The following PHYKPL variants were observed in gnomAD, a reference collection of about 807,000 sequenced individuals.
PHYKPL encodes the protein 5-phosphohydroxy-L-lysine phospho-lyase.
PHYKPL carries 42 observed loss-of-function variants against 51.3 expected under a neutral mutation model. That is an observed-to-expected ratio of 0.82 (90% CI 0.64 to 1.06). The LOEUF (loss-of-function observed/expected upper bound fraction) is 1.06, where lower values mean the gene tolerates loss of function less well. Among genes scored for constraint, PHYKPL ranks in the 50% least tolerant of loss-of-function variants. The probability of loss-of-function intolerance (pLI) is 0.00; values close to 1 mark genes in which losing one functional copy is unlikely to be tolerated. For synonymous variants in PHYKPL, 264 were observed against 236.0 expected, an observed-to-expected ratio of 1.12 and a Z score of -1.09; for missense variants, 655 against 586.6, an observed-to-expected ratio of 1.12 and a Z score of -1.20.
chr5:178,209,274 C>T (rs1757415390), intron 12 of PHYKPL: 1 of 1,349,436 alleles, frequency 7.4e-7, no homozygotes, highest in Non-Finnish European at 1.1e-6. Flanking sequence ...GGTGTTTGGG[C>T]AGTCACTGCC....
chr5:178,214,123 G>A (rs1047921461), intron 10 of PHYKPL, among the ~76,000 whole-genome samples: 6 of 152,118 alleles, frequency 3.9e-5, no homozygotes, highest in Admixed American at 2.0e-4. Flanking sequence ...TCAATACCAC[G>A]CGTGTCTCAC....
In PHYKPL at chr5:178,208,751, CA is replaced by C. The variant is rs1204976412; in HGVS notation, c.*195del. The C allele has an allele frequency of 6.5e-6, 1 of 152,874 alleles. No homozygotes were observed. Among genetic ancestry groups the C allele is most frequent in the Non-Finnish European group, 1.5e-5 (1 of 68,566 alleles). 9.5% of individuals were successfully genotyped at this position (152,874 alleles called of 1,614,324 possible). ...ATTGACTGACTTGAGGGGATGCAGA[CA>C]TCTGGGTTATTCCAACAGACCAGTG... On this transcript the variant is annotated 3_prime_UTR_variant, in exon 13 of 13. Coordinates refer to ENST00000308158, the MANE Select transcript of PHYKPL (RefSeq NM_153373.4).
chr5:178,228,811 C>T (rs1762798176), intron 3 of PHYKPL, among the ~76,000 whole-genome samples: 1 of 152,216 alleles, frequency 6.6e-6, no homozygotes, highest in South Asian at 2.1e-4. Flanking sequence ...ACTGAACTGG[C>T]ACCTAACAGT....
intron 12 of PHYKPL, chr5:178,211,431 C>T (rs1450870236): frequency 3.7e-5 from 6 of 160,310 alleles, no homozygotes; most frequent in Admixed American, 1.2e-4. Context: ...TCCTGGGACA[C>T]CTTGGAACAC....
Position 178,209,255 on chromosome 5 carries a change from C to T in PHYKPL, c.*32-340G>A, listed in dbSNP as rs545973254. ...ACCTGATCCACCATTTGATGTTTGT[C>T]GCAGTGAAGGTGTTTGGGCAGTCAC... On this transcript the variant is annotated intron_variant, in intron 12 of 12. Transcript: ENST00000308158. 106 of 1,110,922 alleles carry T rather than the reference C, an allele frequency of 9.5e-5. No individual in the cohort carries two copies. In the East Asian group the frequency reaches 1.6e-3, roughly 17 times the overall value. 68.8% of individuals were successfully genotyped at this position (1,110,922 alleles called of 1,614,324 possible).
At position 178,222,878 on chromosome 5, in the gene PHYKPL, A is replaced by AG. The variant is rs1315161025; in HGVS notation, c.674dup (p.Ala226CysfsTer22). The AG allele has an allele frequency of 6.2e-7, 1 of 1,614,144 alleles. No individual in the cohort carries two copies. ...CTGCCACTTGGGAGAAGTAGCCAGC[A>AG]GGGGGAATGATCTGCCCTCCCACAC... On this transcript the variant is annotated frameshift_variant, in exon 7 of 13. Coordinates refer to ENST00000308158, the MANE Select transcript of PHYKPL (RefSeq NM_153373.4). LOFTEE classifies it high-confidence loss of function.
intron 7 of PHYKPL, 64 bp from the exon 8 acceptor site, chr5:178,222,644 A>G: frequency 1.3e-6 from 2 of 1,556,776 alleles, no homozygotes; most frequent in South Asian, 2.3e-5. Flanking sequence ...AGGACCCAGG[A>G]GGTCTCGGGG....
At chr5:178,226,405 G>C (rs568295998) in intron 3 of PHYKPL, 2 of 152,294 alleles carry the variant, frequency 1.3e-5, no homozygotes, top group East Asian at 3.9e-4. Context: ...TCAAGTTGAG[G>C]TTCCCACAAT....
intron 3 of PHYKPL, among the ~76,000 whole-genome samples, chr5:178,227,764 T>A (rs892989354): frequency 6.6e-6 from 1 of 152,060 alleles, no homozygotes; most frequent in East Asian, 1.9e-4. Context: ...CTGTGTCTAA[T>A]GGAGTTGACA....
intron 1 of PHYKPL, 139 bp downstream of exon 1, chr5:178,232,353 G>GGGCC: frequency 7.8e-7 from 1 of 1,285,868 alleles, no homozygotes; most frequent in Non-Finnish European, 9.8e-7. Context: ...AGCGGGGCCG[G>GGGCC]GGCAGCGGCC....
intron 6 of PHYKPL, 157 bp downstream of exon 6, chr5:178,224,291 G>C: frequency 2.5e-6 from 2 of 808,584 alleles, no homozygotes; most frequent in Non-Finnish European, 3.8e-6. Flanking sequence ...CGTGCACTCA[G>C]ACTCTCTGCT....
rs776699195 is a variant in PHYKPL at position 178,214,791 on chromosome 5, A to C, written c.1172+5T>G. ...AGGAAGCAACTTGTTTCAAGAAGAA[A>C]ATACCTTGATACCAAGTAGGCAGCC... is the stretch of plus-strand genomic sequence containing the variant. On this transcript the variant is annotated splice_donor_5th_base_variant and intron_variant, in intron 10 of 12. Transcript: ENST00000308158. 57 of 1,613,664 alleles carry C rather than the reference A, an allele frequency of 3.5e-5. No individual in the cohort carries two copies. Among genetic ancestry groups the C allele is most frequent in the Non-Finnish European group, 4.7e-5 (55 of 1,179,890 alleles).
At chr5:178,224,804 C>A (rs1761972306) in intron 4 of PHYKPL, 75 bp from the exon 5 acceptor site, 2 of 1,223,474 alleles carry the variant, frequency 1.6e-6, no homozygotes, top group South Asian at 2.8e-5. Context: ...CATCGTCTCC[C>A]CACCCCTGAA....
At chr5:178,210,840 C>A in intron 12 of PHYKPL, 1 of 575,418 alleles carries the variant, frequency 1.7e-6, no homozygotes. Flanking sequence ...ATAGCGCCAT[C>A]ATGGGCTGAT....
chr5:178,214,552 A>G (rs1759353764), intron 10 of PHYKPL, among the ~76,000 whole-genome samples: 2 of 152,154 alleles, frequency 1.3e-5, no homozygotes, highest in Non-Finnish European at 2.9e-5. Context: ...CCTGTGTCTC[A>G]TCTGCAGCCT....
intron 12 of PHYKPL, chr5:178,210,210 G>A: frequency 6.2e-7 from 1 of 1,613,032 alleles, no homozygotes; most frequent in Non-Finnish European, 8.5e-7. Context: ...TACGGGCCTG[G>A]CTATGGCGGC....
chr5:178,232,198 G>A (rs988815077), intron 1 of PHYKPL: 13 of 1,249,100 alleles, frequency 1.0e-5, no homozygotes, highest in South Asian at 2.3e-5. Flanking sequence ...GCTGCCAAGC[G>A]AGGCTGACAC....
At chr5:178,220,084 A>G (rs1176407733) in intron 8 of PHYKPL, among the ~76,000 whole-genome samples, 1 of 150,936 alleles carries the variant, frequency 6.6e-6, no homozygotes, top group Non-Finnish European at 1.5e-5. Context: ...GGTCCCAGGT[A>G]CTTGGCAGGC....
intron 12 of PHYKPL, chr5:178,209,425 C>A: frequency 6.2e-7 from 1 of 1,614,014 alleles, no homozygotes; most frequent in Non-Finnish European, 8.5e-7. Flanking sequence ...ACCGAGGCAG[C>A]GGAGGTGGTG....
Sources: gnomAD v4.1 joint callset for allele counts (sites outside exome capture counted in the v4.1 genomes callset) on GRCh38, gnomAD v4.1.1 for gene constraint, MANE v1.5 for transcripts, NCBI Gene and HGNC (gene_info 2026-07-23, HGNC 2026-07-21) for gene names.